The following MALRD1 variants were observed in gnomAD, a reference collection of about 807,000 sequenced individuals.
MALRD1 encodes MAM and LDL receptor class A domain containing 1.
In MALRD1, 247 loss-of-function variants were observed where a neutral mutation model predicts 242.1. The observed-to-expected ratio is 1.02, with a 90% confidence interval of 0.92 to 1.13. The LOEUF (loss-of-function observed/expected upper bound fraction) is 1.13, where lower values mean the gene tolerates loss of function less well. MALRD1 is among the 50% of genes most tolerant of loss of function. The pLI, the probability that MALRD1 is intolerant of heterozygous loss-of-function variation, is 0.00. For synonymous variants in MALRD1, 995 were observed against 866.6 expected, an observed-to-expected ratio of 1.15 and a Z score of -2.60; for missense variants, 2,989 against 2,533.1, an observed-to-expected ratio of 1.18 and a Z score of -3.86.
At chr10:19,185,392 A>G (rs1013205088) in intron 14 of MALRD1, among the ~76,000 whole-genome samples, 1 of 152,066 alleles carries the variant, frequency 6.6e-6, no homozygotes, top group Non-Finnish European at 1.5e-5. Context: ...ACAATTTCCT[A>G]TATTCTACTT....
intron 18 of MALRD1, among the ~76,000 whole-genome samples, chr10:19,237,194 A>G (rs143210616): frequency 7.9e-5 from 12 of 151,934 alleles, no homozygotes; most frequent in African/African-American, 2.9e-4. Flanking sequence ...TTTACTTTTA[A>G]CTATAGTCAC....
intron 36 of MALRD1, among the ~76,000 whole-genome samples, chr10:19,657,487 A>T (rs1013074939): frequency 6.6e-6 from 1 of 152,166 alleles, no homozygotes; most frequent in South Asian, 2.1e-4. Context: ...CCCTCCCTAC[A>T]TACTGAGAAA....
chr10:19,476,192 C>T lies in MALRD1; in HGVS notation c.5030-15325C>T, dbSNP rs182819531. On this transcript the variant is annotated intron_variant, in intron 29 of 39. Transcript: ENST00000454679. ...CAAGGATCTCAGCAGTAGGTGTTTA[C>T]GGAAATGTGCTCCAATGAGCTGCCC... 1.1e-4 allele frequency among the ~76,000 whole-genome samples: 16 copies of T among 152,158 alleles called. No homozygotes were observed. The East Asian group carries it at 1.9e-3, about 18-fold the overall frequency.
At chr10:19,467,392 C>CAAAAAAAAAAAAA (rs71387079) in intron 29 of MALRD1, among the ~76,000 whole-genome samples, 1 of 53,762 alleles carries the variant, frequency 1.9e-5, no homozygotes, top group African/African-American at 6.6e-5. Context: ...GACTCCGTCT[C>CAAAAAAAAAAAAA]AAAAAAAAAA....
chr10:19,471,901 G>A (rs1415463434), intron 29 of MALRD1, among the ~76,000 whole-genome samples: 1 of 151,604 alleles, frequency 6.6e-6, no homozygotes, highest in African/African-American at 2.4e-5. Flanking sequence ...TTTCAAATTT[G>A]GATGACTTTT....
chr10:19,734,309 ACT>A lies in MALRD1; in HGVS notation c.*74_*75del. The A allele has an allele frequency of 8.3e-7, 1 of 1,207,234 alleles. No homozygotes were observed. The highest frequency in any genetic ancestry group is 1.2e-6 in the Non-Finnish European group (1 of 857,356). 74.8% of individuals were successfully genotyped at this position (1,207,234 alleles called of 1,614,324 possible). A position where few individuals can be genotyped will look rare whatever the true frequency, so the allele number is the denominator to read the frequency against. On this transcript the variant is annotated 3_prime_UTR_variant, in exon 40 of 40. Coordinates refer to ENST00000454679, the MANE Select transcript of MALRD1 (RefSeq NM_001142308.3). Reference sequence around the variant, plus strand: ...TTGAAGTCTCCACAATCTGATAGAAACTCATCTTCTACAATGGTAAAAAGAGA... The same window carrying A: ...TTGAAGTCTCCACAATCTGATAGAAACATCTTCTACAATGGTAAAAAGAGA...
At chr10:19,502,551 CA>C (rs1221940139) in intron 31 of MALRD1, among the ~76,000 whole-genome samples, 2 of 152,204 alleles carry the variant, frequency 1.3e-5, no homozygotes, top group African/African-American at 4.8e-5. Flanking sequence ...ATAAATATCA[CA>C]ACAACAAATT....
chr10:19,720,781 T>G (rs1834709936), intron 38 of MALRD1, among the ~76,000 whole-genome samples: 1 of 152,194 alleles, frequency 6.6e-6, no homozygotes, highest in Non-Finnish European at 1.5e-5. Flanking sequence ...AAATTTATGA[T>G]TACTTTCCTT....
chr10:19,575,140 T>G (rs1411186017), intron 33 of MALRD1, among the ~76,000 whole-genome samples: 1 of 152,176 alleles, frequency 6.6e-6, no homozygotes, highest in African/African-American at 2.4e-5. Flanking sequence ...ATTGCCCCGT[T>G]TCACTTATTT....
chr10:19,729,403 A>G (rs1835182063), intron 38 of MALRD1, among the ~76,000 whole-genome samples: 1 of 152,210 alleles, frequency 6.6e-6, no homozygotes, highest in Admixed American at 6.5e-5. Flanking sequence ...CATTATACAT[A>G]CATTATACAT....
chr10:19,178,802 T>C lies in MALRD1; in HGVS notation c.1951+3474T>C, dbSNP rs573268915. On this transcript the variant is annotated intron_variant, in intron 14 of 39. Coordinates refer to ENST00000454679, the MANE Select transcript of MALRD1 (RefSeq NM_001142308.3). ...GAAGATACGCGATTTTCCAACTGAG[T>C]GCCCAAAGGGAGCACATGAAACTAA... is the stretch of plus-strand genomic sequence containing the variant. 4.7e-4 allele frequency among the ~76,000 whole-genome samples: 72 copies of C among 152,274 alleles called. 1 individual carries two copies. Among genetic ancestry groups the C allele is most frequent in the African/African-American group, 1.7e-3 (70 of 41,552 alleles).
intron 29 of MALRD1, among the ~76,000 whole-genome samples, chr10:19,463,112 A>G (rs1836027619): frequency 6.6e-6 from 1 of 152,174 alleles, no homozygotes; most frequent in South Asian, 2.1e-4. Context: ...TAGAGAACCA[A>G]TAGCCTACCA....
chr10:19,727,379 A>G (rs890286292), intron 38 of MALRD1, among the ~76,000 whole-genome samples: 3 of 152,174 alleles, frequency 2.0e-5, no homozygotes, highest in Non-Finnish European at 4.4e-5. Context: ...GTTGTCAGTT[A>G]ATAAGTGAAT....
chr10:19,113,224 C>G (rs1380724483), intron 5 of MALRD1, among the ~76,000 whole-genome samples: 2 of 152,082 alleles, frequency 1.3e-5, no homozygotes, highest in Non-Finnish European at 2.9e-5. Flanking sequence ...CTTACTGCCT[C>G]CAGGACAGAA....
At chr10:19,364,036 A>C (rs1366318124) in intron 26 of MALRD1, among the ~76,000 whole-genome samples, 1 of 152,128 alleles carries the variant, frequency 6.6e-6, no homozygotes, top group Non-Finnish European at 1.5e-5. Context: ...CATGATGGAA[A>C]GGATTGTGAA....
chr10:19,439,298 A>G (rs1589074227), intron 28 of MALRD1, among the ~76,000 whole-genome samples: 1 of 152,298 alleles, frequency 6.6e-6, no homozygotes, highest in East Asian at 1.9e-4. Flanking sequence ...TGGGAAGCCA[A>G]GGCAGGAGGA....
chr10:19,256,018 A>G (rs568230708), intron 18 of MALRD1, among the ~76,000 whole-genome samples: 46 of 152,208 alleles, frequency 3.0e-4, no homozygotes, highest in African/African-American at 1.1e-3. Context: ...GAATGTGTAT[A>G]TATCCCTAAA....
chr10:19,052,032 A>G (rs1362763154), intron 1 of MALRD1: 2 of 355,362 alleles, frequency 5.6e-6, no homozygotes, highest in Admixed American at 3.4e-5. Context: ...ATTTGTAAGA[A>G]AAATTAATAT....
chr10:19,666,202 C>T (rs1295948697), intron 36 of MALRD1, among the ~76,000 whole-genome samples: 1 of 152,152 alleles, frequency 6.6e-6, no homozygotes, highest in Non-Finnish European at 1.5e-5. Flanking sequence ...TATTTATTTC[C>T]ATTCCTGTAA....
Sources: gnomAD v4.1 joint callset for allele counts (sites outside exome capture counted in the v4.1 genomes callset) on GRCh38, gnomAD v4.1.1 for gene constraint, MANE v1.5 for transcripts, NCBI Gene and HGNC (gene_info 2026-07-23, HGNC 2026-07-21) for gene names.